Variants in DLG2 observed in about 807,000 individuals in gnomAD.
DLG2 encodes disks large homolog 2.
A neutral mutation model predicts 132.5 loss-of-function variants in DLG2; 45 were observed. The ratio of observed to expected loss-of-function variants is 0.34; its 90% CI spans 0.27 to 0.44. DLG2 has a LOEUF of 0.44. Among genes scored for constraint, DLG2 ranks in the 20% least tolerant of loss-of-function variants. The pLI is 1.00. For synonymous variants in DLG2, 424 were observed against 419.6 expected (o/e 1.01, Z -0.13); for missense variants, 1,045 against 1,196.9 (o/e 0.87, Z 1.87).
intron 3 of DLG2, among the ~76,000 whole-genome samples, chr11:85,300,723 T>A (rs1293056279): frequency 1.3e-5 from 2 of 152,122 alleles, no homozygotes; most frequent in African/African-American, 4.8e-5. Context: ...ATATAGGGTA[T>A]AATGAGAATA....
intron 6 of DLG2, among the ~76,000 whole-genome samples, chr11:84,570,022 G>A (rs1361643864): frequency 6.6e-6 from 1 of 152,080 alleles, no homozygotes; most frequent in Non-Finnish European, 1.5e-5. Context: ...GAATAGCTGG[G>A]TGCAATTCTG....
chr11:83,636,597 A>G (rs1201013635), intron 18 of DLG2, among the ~76,000 whole-genome samples: 1 of 152,138 alleles, frequency 6.6e-6, no homozygotes, highest in African/African-American at 2.4e-5. Flanking sequence ...GGATCTCTCC[A>G]TCTCAATCAT....
intron 3 of DLG2, among the ~76,000 whole-genome samples, chr11:85,562,500 T>G (rs930247382): frequency 6.6e-6 from 1 of 151,790 alleles, no homozygotes; most frequent in Admixed American, 6.6e-5. Context: ...AATTTGCATA[T>G]TAAAAACTAC....
chr11:84,821,282 T>A (rs961531362), intron 6 of DLG2, among the ~76,000 whole-genome samples: 1 of 151,730 alleles, frequency 6.6e-6, no homozygotes, highest in Admixed American at 6.6e-5. Context: ...AGAACTCTGA[T>A]CATGATCTGT....
chr11:85,343,112 CCTAA>C lies in DLG2; in HGVS notation c.41-57751_41-57748del, dbSNP rs531360076. The stretch of plus-strand genomic sequence containing the variant: ...AATATACAGTCTATATTCAAATTGC[CCTAA>C]CTGTCTCAAAAATGTCATTTGAATG... On this transcript the variant is annotated intron_variant, in intron 3 of 27. Transcript: ENST00000376104. 4.2e-3 allele frequency among the ~76,000 whole-genome samples: 644 copies of C among 152,204 alleles called. 3 individuals carry two copies. Among genetic ancestry groups the C allele is most frequent in the Non-Finnish European group, 7.0e-3 (479 of 67,998 alleles).
chr11:84,266,791 A>C (rs2097643607), intron 7 of DLG2, among the ~76,000 whole-genome samples: 1 of 152,222 alleles, frequency 6.6e-6, no homozygotes, highest in African/African-American at 2.4e-5. Context: ...AATTTATCTG[A>C]GGCAAGAAGG....
chr11:83,965,407 G>A lies in DLG2; in HGVS notation c.1118C>T (p.Thr373Ile), dbSNP rs2089953437. The change falls in exon 13 of 28, where the codon ACA (threonine) becomes ATA (isoleucine). Residue 373 changes from threonine to isoleucine, a missense_variant. Transcript: ENST00000376104. ...HEEAVAILKN[T>I]SEVVYLKVGK... ...AACTTTTAAATAAACTACCTCTGAT[G>A]TGTTCTTTAATATTGCTACTGCCTC... is the stretch of plus-strand genomic sequence containing the variant. 5 of 1,611,266 alleles carry A rather than the reference G, an allele frequency of 3.1e-6. No homozygotes were observed. Among genetic ancestry groups the A allele is most frequent in the Non-Finnish European group, 3.4e-6 (4 of 1,177,934 alleles).
intron 4 of DLG2, among the ~76,000 whole-genome samples, chr11:85,187,524 T>C (rs1595188842): frequency 6.6e-6 from 1 of 152,030 alleles, no homozygotes; most frequent in African/African-American, 2.4e-5. Context: ...GTATAAAAAC[T>C]AGACAAAATT....
intron 18 of DLG2, among the ~76,000 whole-genome samples, chr11:83,641,291 A>C (rs1327975941): frequency 6.6e-6 from 1 of 152,078 alleles, no homozygotes; most frequent in African/African-American, 2.4e-5. Flanking sequence ...TTTCCACCGG[A>C]CTCTTAACCA....
chr11:84,670,792 C>T (rs2099704991), intron 6 of DLG2, among the ~76,000 whole-genome samples: 1 of 152,030 alleles, frequency 6.6e-6, no homozygotes, highest in East Asian at 1.9e-4. Flanking sequence ...TCATATCGCT[C>T]CCACCCCTAA....
rs148197793 is a variant in DLG2 at position 84,943,153 on chromosome 11, C to CGT, written c.357+168506_357+168507dup. On this transcript the variant is annotated intron_variant, in intron 6 of 27. Transcript: ENST00000376104. ...TCCTGTAGGCCACAGATTTTTGGGT[C>CGT]GTGTGTGTGTGTGCGTGTGTGTGTG... Among the ~76,000 whole-genome samples the CGT allele has an allele frequency of 5.9e-5, 8 of 136,472 alleles. No individual in the cohort carries two copies. In the South Asian group the frequency reaches 7.2e-4, roughly 12 times the overall value. 89.5% of individuals were successfully genotyped at this position (136,472 alleles called of 152,430 possible).
At chr11:83,553,256 T>A (rs928883935) in intron 19 of DLG2, among the ~76,000 whole-genome samples, 7 of 152,190 alleles carry the variant, frequency 4.6e-5, no homozygotes, top group Non-Finnish European at 1.0e-4. Flanking sequence ...TTTTTTAAAA[T>A]TTTTATGTCT....
chr11:85,069,392 C>T (rs1475931892), intron 6 of DLG2, among the ~76,000 whole-genome samples: 1 of 152,056 alleles, frequency 6.6e-6, no homozygotes, highest in African/African-American at 2.4e-5. Context: ...AAAATTTTTG[C>T]AAGCTACGCA....
At chr11:83,667,504 C>T (rs2075848466) in intron 18 of DLG2, among the ~76,000 whole-genome samples, 1 of 152,170 alleles carries the variant, frequency 6.6e-6, no homozygotes, top group Admixed American at 6.5e-5. Flanking sequence ...ATGTGAGCTT[C>T]ACAAATACTC....
chr11:85,409,599 G>T (rs531310831), intron 3 of DLG2, among the ~76,000 whole-genome samples: 4 of 151,688 alleles, frequency 2.6e-5, no homozygotes, highest in Non-Finnish European at 5.9e-5. Context: ...ATTGTAGTCC[G>T]GTTACACATT....
chr11:85,130,058 G>A (rs987617934), intron 5 of DLG2, among the ~76,000 whole-genome samples: 37 of 152,050 alleles, frequency 2.4e-4, no homozygotes, highest in Admixed American at 2.4e-3. Context: ...GCCTTTTGAG[G>A]GGTGGGGGGC....
At chr11:84,152,353 G>C (rs1344329589) in intron 9 of DLG2, among the ~76,000 whole-genome samples, 1 of 132,978 alleles carries the variant, frequency 7.5e-6, no homozygotes, top group East Asian at 2.2e-4. Flanking sequence ...TGTTTTTTCT[G>C]AAATAAGAAT....
intron 18 of DLG2, among the ~76,000 whole-genome samples, chr11:83,637,469 A>C (rs11233705): frequency 3.3e-5 from 5 of 151,982 alleles, no homozygotes; most frequent in Admixed American, 3.3e-4. Context: ...TCTGAGGTAG[A>C]TATATTATTT....
intron 8 of DLG2, among the ~76,000 whole-genome samples, chr11:84,171,637 G>A (rs967508995): frequency 9.9e-5 from 15 of 152,134 alleles, no homozygotes; most frequent in Non-Finnish European, 2.2e-4. Flanking sequence ...TGGACACTGA[G>A]GTTAATTCCA....
Sources: gnomAD v4.1 joint callset for allele counts (sites outside exome capture counted in the v4.1 genomes callset) on GRCh38, gnomAD v4.1.1 for gene constraint, MANE v1.5 for transcripts, NCBI Gene and HGNC (gene_info 2026-07-23, HGNC 2026-07-21) for gene names.